The following DNAH9 variants were observed in gnomAD, a reference collection of about 807,000 sequenced individuals.
DNAH9 encodes DNAH9 variant protein.
DNAH9 carries 345 observed loss-of-function variants against 471.6 expected under a neutral mutation model. The observed-to-expected ratio is 0.73, with a 90% CI of 0.67 to 0.80. The LOEUF (loss-of-function observed/expected upper bound fraction) is 0.80. Among genes scored for constraint, DNAH9 ranks in the 30% least tolerant of loss-of-function variants. DNAH9 has a pLI of 0.00. For missense variants in DNAH9, 5,407 were observed against 5,609.2 expected (o/e 0.96, Z 1.15); for synonymous variants, 2,093 against 2,123.6 (o/e 0.99, Z 0.40).
Position 11,880,059 on chromosome 17 carries a change from C to G in DNAH9, c.10479-19C>G. On this transcript the variant is annotated intron_variant, in intron 53 of 68. Transcript: ENST00000262442. ...CTTGCCACAGTCTCATACTCCCGGA[C>G]TCATACTTGTTTCCCTAGCTACCTT... 6.2e-7 allele frequency: 1 copy of G among 1,613,468 alleles called. No individual in the cohort carries two copies. The highest frequency in any genetic ancestry group is 8.5e-7 in the Non-Finnish European group (1 of 1,179,562).
chr17:11,831,171 T>A (rs1490498980), intron 48 of DNAH9, among the ~76,000 whole-genome samples: 1 of 152,220 alleles, frequency 6.6e-6, no homozygotes, highest in Non-Finnish European at 1.5e-5. Context: ...TACCTAAGGC[T>A]GGGCAATTTA....
At chr17:11,788,419 G>A (rs569497677) in intron 41 of DNAH9, among the ~76,000 whole-genome samples, 29 of 152,186 alleles carry the variant, frequency 1.9e-4, no homozygotes, top group African/African-American at 6.7e-4. Context: ...TATCACAAAG[G>A]GATCTCACCT....
chr17:11,943,321 G>A (rs922417718), intron 67 of DNAH9, among the ~76,000 whole-genome samples: 1 of 152,110 alleles, frequency 6.6e-6, no homozygotes, highest in Admixed American at 6.6e-5. Flanking sequence ...GGTCACACGT[G>A]GATAGGAAAA....
Position 11,689,000 on chromosome 17 carries a change from GC to G in DNAH9, c.3744-565del, listed in dbSNP as rs111504002. Among the ~76,000 whole-genome samples the G allele has an allele frequency of 3.3e-5, 5 of 152,122 alleles. 1 individual carries two copies. The highest frequency in any genetic ancestry group is 1.2e-4 in the African/African-American group (5 of 41,496). On this transcript the variant is annotated intron_variant, in intron 19 of 68. Transcript: ENST00000262442. ...ATTCCCAGCTACTTGGGAGGCTGAG[GC>G]AGAGAATTGCTTGAACCCGGGAGGC...
chr17:11,883,653 C>T lies in DNAH9; in HGVS notation c.10874C>T (p.Ser3625Phe), dbSNP rs1319144990. Residue 3625 changes from serine (S) to phenylalanine (F), a missense_variant, in exon 56 of 69, where the codon TCT becomes TTT. Physicochemically the swap from Ser to Phe is radical, Grantham distance 155 (BLOSUM62 -2). Around this residue, in one of 3 missense-constraint regions of DNAH9, gnomAD observed 4,636 missense variants for 4,900.3 expected, o/e 0.95. Coordinates refer to ENST00000262442, the MANE Select transcript of DNAH9 (RefSeq NM_001372.4). ...AAAACGTTGGAAGACAGTCTTCTCTCTCGCCTCTCCTCCGCCTCTGGGAAC... is the reference window on the plus strand; with the variant it reads ...AAAACGTTGGAAGACAGTCTTCTCTTTCGCCTCTCCTCCGCCTCTGGGAAC... ...TLKTLEDSLL[S>F]RLSSASGNFL... 1 of 1,614,138 alleles carries T rather than the reference C, an allele frequency of 6.2e-7. No homozygotes were observed. Among genetic ancestry groups the T allele is most frequent in the East Asian group, 2.2e-5 (1 of 44,866 alleles).
At chr17:11,712,034 T>TAA (rs1555571255) in intron 26 of DNAH9, among the ~76,000 whole-genome samples, 1 of 2,654 alleles carries the variant, frequency 3.8e-4, no homozygotes, top group Non-Finnish European at 4.6e-3. Flanking sequence ...ATATATATAT[T>TAA]TATATATATT....
At position 11,881,315 on chromosome 17, in the gene DNAH9, G is replaced by T. The variant is rs1204656784; in HGVS notation, c.10708G>T (p.Ala3570Ser). Reference sequence around the variant, plus strand: ...CTACCAGCCTGAGCTGCAGGCTCAGGCCACCCTGATCAACTTCACCGTGAC... The same window carrying T: ...CTACCAGCCTGAGCTGCAGGCTCAGTCCACCCTGATCAACTTCACCGTGAC... ...PHYQPELQAQ[A>S]TLINFTVTRD... Residue 3570 changes from alanine to serine, a missense_variant, in exon 55 of 69, where the codon GCC becomes TCC. Around this residue, in one of 3 missense-constraint regions of DNAH9, gnomAD observed 4,636 missense variants for 4,900.3 expected, o/e 0.95. Transcript: ENST00000262442. The T allele has an allele frequency of 1.2e-6, 2 of 1,613,982 alleles. No individual in the cohort carries two copies. The highest frequency in any genetic ancestry group is 2.7e-5 in the African/African-American group (2 of 74,908).
At chr17:11,851,396 C>T (rs777579344) in intron 49 of DNAH9, among the ~76,000 whole-genome samples, 1 of 152,072 alleles carries the variant, frequency 6.6e-6, no homozygotes, top group Non-Finnish European at 1.5e-5. Flanking sequence ...GGATTACAGG[C>T]GTGAGCCACC....
chr17:11,962,099 T>C lies in DNAH9; in HGVS notation c.13076T>C (p.Ile4359Thr). The C allele has an allele frequency of 3.7e-6, 6 of 1,614,106 alleles. No homozygotes were observed. The highest frequency in any genetic ancestry group is 1.7e-5 in the Admixed American group (1 of 60,020). Reference sequence around the variant, plus strand: ...AACCCCCAGTCGTTCCTGACTGCCATCATGCAGTCCACGGCTCGCAAGAAT... The same window carrying C: ...AACCCCCAGTCGTTCCTGACTGCCACCATGCAGTCCACGGCTCGCAAGAAT... ...FFNPQSFLTA[I>T]MQSTARKNEW... Residue 4359 changes from isoleucine to threonine, a missense_variant, in exon 68 of 69, where the codon ATC becomes ACC. By Grantham distance (89) the Ile-to-Thr change is moderately conservative (BLOSUM62 -1). Around this residue, in one of 3 missense-constraint regions of DNAH9, gnomAD observed 4,636 missense variants for 4,900.3 expected, o/e 0.95. Transcript: ENST00000262442. This position sits in a 1 kb window ranked among gnomAD's most constrained non-coding sequence, Gnocchi z 4.1.
Position 11,694,718 on chromosome 17 carries a change from C to T in DNAH9, c.4872+271C>T, listed in dbSNP as rs200548140. On this transcript the variant is annotated intron_variant, in intron 22 of 68. Coordinates refer to ENST00000262442, the MANE Select transcript of DNAH9 (RefSeq NM_001372.4). ...TCTCGCTTTCTCTCTCTCTCTCTCT[C>T]TCTCTCTCTTTCTCTTTCTTTCTTT... is the stretch of plus-strand genomic sequence containing the variant. 4.4e-3 allele frequency among the ~76,000 whole-genome samples: 20 copies of T among 4,544 alleles called. 7 individuals carry two copies. Among genetic ancestry groups the T allele is most frequent in the African/African-American group, 5.8e-3 (20 of 3,426 alleles). The allele number at this position is 4,544 out of a possible 152,430, so 3.0% of individuals were successfully genotyped here.
intron 55 of DNAH9, among the ~76,000 whole-genome samples, chr17:11,882,230 CTG>C (rs1350677200): frequency 6.6e-6 from 1 of 152,224 alleles, no homozygotes; most frequent in Non-Finnish European, 1.5e-5. Context: ...GGCCTTCTCA[CTG>C]TGACCTCACA....
chr17:11,670,333 C>G (rs1014074400), intron 17 of DNAH9, among the ~76,000 whole-genome samples: 4 of 152,214 alleles, frequency 2.6e-5, no homozygotes, highest in African/African-American at 9.6e-5. Flanking sequence ...TAAGCCAGAG[C>G]ATCATCCTCT....
intron 17 of DNAH9, 76 bp from the exon 18 acceptor site, chr17:11,679,681 G>C: frequency 9.7e-7 from 1 of 1,033,346 alleles, no homozygotes; most frequent in Non-Finnish European, 1.5e-6. Context: ...AGATATTTTT[G>C]TTGGGGAAAT....
At chr17:11,777,528 A>G (rs142039095) in intron 38 of DNAH9, among the ~76,000 whole-genome samples, 13 of 152,380 alleles carry the variant, frequency 8.5e-5, no homozygotes, top group African/African-American at 2.2e-4. Context: ...TAAGGCATCA[A>G]TGGGCTTATA....
At chr17:11,889,854 T>C (rs1972996231) in intron 57 of DNAH9, among the ~76,000 whole-genome samples, 1 of 152,098 alleles carries the variant, frequency 6.6e-6, no homozygotes, top group African/African-American at 2.4e-5. Context: ...TGAGGGTAGT[T>C]TGAGTCAATG....
chr17:11,904,499 C>T (rs143836671), intron 60 of DNAH9, among the ~76,000 whole-genome samples: 1 of 151,852 alleles, frequency 6.6e-6, no homozygotes, highest in Non-Finnish European at 1.5e-5. Flanking sequence ...CATAGTGGCA[C>T]TCGCCTGTAG....
chr17:11,781,044 A>G lies in DNAH9; in HGVS notation c.7588A>G (p.Arg2530Gly), dbSNP rs765284570. Residue 2530 changes from arginine (R) to glycine (G), a missense_variant, in exon 39 of 69, where the codon AGA becomes GGA. Arg to Gly is a moderately radical substitution (Grantham distance 125). Around this residue, in one of 3 missense-constraint regions of DNAH9, gnomAD observed 4,636 missense variants for 4,900.3 expected, o/e 0.95. Transcript: ENST00000262442. The part of the protein sequence containing the change: ...LEKPLEKKAG[R>G]NYGPPGNKKL... ...GAAGCCTCTGGAAAAGAAGGCTGGCAGAAACTATGGCCCTCCAGGGAACAA... is the reference window on the plus strand; with the variant it reads ...GAAGCCTCTGGAAAAGAAGGCTGGCGGAAACTATGGCCCTCCAGGGAACAA... The G allele has an allele frequency of 1.2e-6, 2 of 1,614,044 alleles. No homozygotes were observed. The highest frequency in any genetic ancestry group is 1.7e-6 in the Non-Finnish European group (2 of 1,180,014).
At chr17:11,721,120 A>G (rs2075049804) in intron 27 of DNAH9, among the ~76,000 whole-genome samples, 1 of 152,192 alleles carries the variant, frequency 6.6e-6, no homozygotes, top group Admixed American at 6.5e-5. Context: ...AGTCATACCT[A>G]GAATAGCAAG....
chr17:11,641,356 C>T (rs1160032777), intron 10 of DNAH9, among the ~76,000 whole-genome samples: 1 of 152,092 alleles, frequency 6.6e-6, no homozygotes, highest in Admixed American at 6.5e-5. Flanking sequence ...TCCAATTTTC[C>T]AATGATCAAG....
Sources: allele counts gnomAD v4.1 joint callset (sites outside exome capture counted in the v4.1 genomes callset), GRCh38; gene constraint gnomAD v4.1.1; regional missense constraint gnomAD v4.1.1; non-coding constraint Gnocchi (gnomAD v3.1); transcripts MANE v1.5; gene names NCBI Gene and HGNC (gene_info 2026-07-23, HGNC 2026-07-21).